The following CDH22 variants were observed in gnomAD, a reference collection of about 807,000 sequenced individuals.
CDH22 encodes the protein cadherin 22, also known as cadherin-22.
In CDH22, 30 loss-of-function variants were observed where a neutral mutation model predicts 58.4. The ratio of observed to expected loss-of-function variants is 0.51; its 90% confidence interval spans 0.38 to 0.70. The LOEUF (loss-of-function observed/expected upper bound fraction) is 0.70, where lower values mean the gene tolerates loss of function less well. Among genes scored for constraint, CDH22 ranks in the 30% least tolerant of loss-of-function variants. The pLI is 0.00. For missense variants in CDH22, 1,014 were observed against 1,233.9 expected (o/e 0.82, Z 2.67); for synonymous variants, 513 against 558.2 (o/e 0.92, Z 1.14).
At chr20:46,303,076 C>T (rs1386838681) in intron 1 of CDH22, among the ~76,000 whole-genome samples, 1 of 152,206 alleles carries the variant, frequency 6.6e-6, no homozygotes, top group Non-Finnish European at 1.5e-5. Flanking sequence ...CTCCCCGCTG[C>T]TCTCGGGATG....
intron 4 of CDH22, among the ~76,000 whole-genome samples, chr20:46,221,280 CTTTTT>C (rs67025636): frequency 8.2e-6 from 1 of 122,630 alleles, no homozygotes. Flanking sequence ...TTTTTTTTTT[CTTTTT>C]TTTTTTTTTT....
At chr20:46,225,794 T>G (rs914701497) in intron 4 of CDH22, among the ~76,000 whole-genome samples, 1 of 152,204 alleles carries the variant, frequency 6.6e-6, no homozygotes, top group Non-Finnish European at 1.5e-5. Flanking sequence ...GCGTTTCTTT[T>G]TTTTTTCTTT....
intron 1 of CDH22, among the ~76,000 whole-genome samples, chr20:46,279,736 C>T (rs6032744): frequency 0.018 from 2,757 of 152,156 alleles, 85 homozygotes; most frequent in African/African-American, 0.063. Flanking sequence ...ATCGACAGTG[C>T]CCTGATTTCT....
At chr20:46,287,032 A>G (rs1468446864) in intron 1 of CDH22, among the ~76,000 whole-genome samples, 1 of 152,080 alleles carries the variant, frequency 6.6e-6, no homozygotes, top group Non-Finnish European at 1.5e-5. Context: ...CCTCTGAGGG[A>G]TAGAGGGGAT....
intron 2 of CDH22, among the ~76,000 whole-genome samples, chr20:46,249,505 G>A (rs2086354760): frequency 6.6e-6 from 1 of 152,146 alleles, no homozygotes; most frequent in Admixed American, 6.5e-5. Flanking sequence ...GTATTACTGT[G>A]TCTAGACCAG....
At chr20:46,275,678 C>T (rs1269677706) in intron 1 of CDH22, among the ~76,000 whole-genome samples, 1 of 152,012 alleles carries the variant, frequency 6.6e-6, no homozygotes, top group Non-Finnish European at 1.5e-5. Context: ...AGTGATTCAA[C>T]AAACGTTGTC....
chr20:46,229,672 G>T (rs1432023802), intron 3 of CDH22, among the ~76,000 whole-genome samples: 1 of 152,176 alleles, frequency 6.6e-6, no homozygotes, highest in African/African-American at 2.4e-5. Context: ...AGTGCAGGTT[G>T]TTGTTGTCAA....
At chr20:46,193,533 G>A (rs1380196109) in intron 8 of CDH22, among the ~76,000 whole-genome samples, 2 of 152,070 alleles carry the variant, frequency 1.3e-5, no homozygotes, top group East Asian at 1.9e-4. Context: ...ATCTGATCAC[G>A]CCACTCTTCT....
intron 3 of CDH22, among the ~76,000 whole-genome samples, chr20:46,236,235 G>C (rs1009773217): frequency 6.6e-6 from 1 of 152,034 alleles, no homozygotes; most frequent in Middle Eastern, 3.4e-3. Context: ...CGCTGGGGGG[G>C]ACAAGGGCAG....
intron 4 of CDH22, among the ~76,000 whole-genome samples, chr20:46,226,397 C>T (rs1166218995): frequency 6.6e-6 from 1 of 151,548 alleles, no homozygotes; most frequent in Non-Finnish European, 1.5e-5. Context: ...GCAATCATCC[C>T]ACCTCAGCCT....
In CDH22 at chr20:46,210,269, A is replaced by G; in HGVS notation, c.1286+38T>C. 1 of 1,370,560 alleles carries G rather than the reference A, an allele frequency of 7.3e-7. No individual in the cohort carries two copies. The highest frequency in any genetic ancestry group is 9.4e-7 in the Non-Finnish European group (1 of 1,067,318). 84.9% of individuals were successfully genotyped at this position (1,370,560 alleles called of 1,614,324 possible). ...CTGTCCGCGGGGGTGATGGCGGGATAGCAGGCAGCAGGCGTCGGCCCCGGG... is the reference window on the plus strand; with the variant it reads ...CTGTCCGCGGGGGTGATGGCGGGATGGCAGGCAGCAGGCGTCGGCCCCGGG... On this transcript the variant is annotated intron_variant, in intron 7 of 11. Coordinates refer to ENST00000537909, the MANE Select transcript of CDH22 (RefSeq NM_021248.3). The surrounding 1 kb of genome is among the most constrained non-coding windows in gnomAD (Gnocchi z 4.5).
At chr20:46,208,596 A>T (rs886254717) in intron 7 of CDH22, among the ~76,000 whole-genome samples, 55 of 151,048 alleles carry the variant, frequency 3.6e-4, no homozygotes, top group Middle Eastern at 3.4e-3. Flanking sequence ...TTAATTAATT[A>T]ATTAATTTAT....
chr20:46,177,559 C>T (rs977690081), intron 11 of CDH22, among the ~76,000 whole-genome samples: 2 of 152,148 alleles, frequency 1.3e-5, no homozygotes, highest in Admixed American at 1.3e-4. Context: ...CTCTGACCCC[C>T]AGCGCTTTCA....
chr20:46,239,953 C>T (rs971762006), intron 3 of CDH22, among the ~76,000 whole-genome samples: 2 of 152,216 alleles, frequency 1.3e-5, no homozygotes, highest in African/African-American at 4.8e-5. Context: ...CTGATGTCTA[C>T]ACAGAGATGT....
At chr20:46,268,084 C>T (rs993253520) in intron 1 of CDH22, among the ~76,000 whole-genome samples, 2 of 152,274 alleles carry the variant, frequency 1.3e-5, no homozygotes, top group Non-Finnish European at 2.9e-5. Context: ...GTCCCCTCAC[C>T]CGCCTAAAGG....
At chr20:46,264,874 A>ACACACACACACCGTGCG (rs1568678013) in intron 1 of CDH22, among the ~76,000 whole-genome samples, 2 of 151,372 alleles carry the variant, frequency 1.3e-5, no homozygotes, top group African/African-American at 4.9e-5. Context: ...CACCGTGCGC[A>ACACACACACACCGTGCG]CACACACACA....
At chr20:46,267,857 T>C (rs1204103215) in intron 1 of CDH22, among the ~76,000 whole-genome samples, 1 of 152,222 alleles carries the variant, frequency 6.6e-6, no homozygotes. Flanking sequence ...AGCCAGAGCT[T>C]TGCCTGCGGG....
At chr20:46,258,241 G>A (rs1251674976) in intron 1 of CDH22, among the ~76,000 whole-genome samples, 1 of 152,072 alleles carries the variant, frequency 6.6e-6, no homozygotes, top group East Asian at 1.9e-4. Flanking sequence ...GACATGTGTG[G>A]GTGGGCGATG....
chr20:46,283,627 T>C (rs963373376), intron 1 of CDH22, among the ~76,000 whole-genome samples: 3 of 152,178 alleles, frequency 2.0e-5, no homozygotes, highest in Admixed American at 1.3e-4. Context: ...CTCTAGGAGC[T>C]TGGCAGACCA....
Sources: gnomAD v4.1 joint callset for allele counts (sites outside exome capture counted in the v4.1 genomes callset) on GRCh38, gnomAD v4.1.1 for gene constraint, Gnocchi (gnomAD v3.1) non-coding constraint, MANE v1.5 for transcripts, NCBI Gene and HGNC (gene_info 2026-07-23, HGNC 2026-07-21) for gene names.